Variants in WDR35 observed in about 807,000 individuals in gnomAD.
The protein encoded by WDR35 is WD repeat domain 35.
In WDR35, 118 loss-of-function variants were observed where a neutral mutation model predicts 158.3. The ratio of observed to expected loss-of-function variants is 0.75; its 90% confidence interval spans 0.64 to 0.87. The LOEUF (loss-of-function observed/expected upper bound fraction) is 0.87. Ranked by LOEUF, WDR35 falls within the 40% of genes least tolerant of loss-of-function variation. The pLI is 0.00. For synonymous variants in WDR35, 448 were observed against 476.1 expected (o/e 0.94, Z 0.77); for missense variants, 1,263 against 1,405.8 (o/e 0.90, Z 1.62).
At chr2:19,984,872 GACTGTTTTGCA>G (rs1444396628) in intron 2 of WDR35, among the ~76,000 whole-genome samples, 1 of 152,136 alleles carries the variant, frequency 6.6e-6, no homozygotes, top group Non-Finnish European at 1.5e-5. Flanking sequence ...ATATACAGAA[GACTGTTTTGCA>G]ACACATAAGG....
intron 16 of WDR35, among the ~76,000 whole-genome samples, chr2:19,944,127 C>A (rs965311842): frequency 6.6e-6 from 1 of 151,902 alleles, no homozygotes; most frequent in African/African-American, 2.4e-5. Flanking sequence ...AGCAGAGTAG[C>A]TAAACCAGCT....
intron 2 of WDR35, 106 bp from the exon 3 acceptor site, chr2:19,982,640 T>A: frequency 8.9e-7 from 1 of 1,124,954 alleles, no homozygotes; most frequent in Non-Finnish European, 1.3e-6. Context: ...TTTTTCTAAG[T>A]ATGCCCCATT....
chr2:19,927,886 T>C (rs1391558217), intron 25 of WDR35, among the ~76,000 whole-genome samples: 2 of 152,198 alleles, frequency 1.3e-5, no homozygotes, highest in East Asian at 1.9e-4. Context: ...TTAATCTGTG[T>C]TGTTTGTCTT....
chr2:19,924,841 A>T (rs1484992154), intron 25 of WDR35, among the ~76,000 whole-genome samples: 1 of 152,240 alleles, frequency 6.6e-6, no homozygotes, highest in Non-Finnish European at 1.5e-5. Flanking sequence ...CTAAAAAAGA[A>T]TGTAGAAAAA....
intron 13 of WDR35, among the ~76,000 whole-genome samples, chr2:19,948,739 A>G (rs533785134): frequency 6.6e-6 from 1 of 152,288 alleles, no homozygotes; most frequent in Admixed American, 6.5e-5. Context: ...CAAAGTAACA[A>G]AACTATAGAG....
chr2:19,962,566 T>C (rs1671696661), intron 10 of WDR35, among the ~76,000 whole-genome samples: 1 of 152,220 alleles, frequency 6.6e-6, no homozygotes, highest in Non-Finnish European at 1.5e-5. Flanking sequence ...TCTACTTAGA[T>C]GTTTTTCCTG....
At chr2:19,952,961 T>C (rs1420197033) in intron 12 of WDR35, among the ~76,000 whole-genome samples, 1 of 151,844 alleles carries the variant, frequency 6.6e-6, no homozygotes, top group Non-Finnish European at 1.5e-5. Context: ...AGCACATGAG[T>C]GAGTCTTAAA....
chr2:19,946,124 G>C lies in WDR35; in HGVS notation c.1635-128C>G, dbSNP rs980811648. On this transcript the variant is annotated intron_variant, in intron 15 of 26. Coordinates refer to ENST00000281405, the MANE Select transcript of WDR35 (RefSeq NM_020779.4). ...AGAAACCTGGAATACAGTAGAAATG[G>C]CTTAAAATTTTGTTAAATAAATTTG... 1.1e-4 allele frequency: 111 copies of C among 1,031,748 alleles called. 1 individual carries two copies. In the South Asian group the frequency reaches 1.7e-3, roughly 16 times the overall value. 63.9% of individuals were successfully genotyped at this position (1,031,748 alleles called of 1,614,324 possible).
intron 6 of WDR35, 89 bp downstream of exon 6, chr2:19,975,441 T>TA: frequency 7.3e-7 from 1 of 1,363,596 alleles, no homozygotes; most frequent in Non-Finnish European, 9.8e-7. Flanking sequence ...CAAACCGCCA[T>TA]AAAAAATAAA....
intron 11 of WDR35, among the ~76,000 whole-genome samples, chr2:19,957,599 C>CTGGAGAGCTGTGGCA (rs1241691913): frequency 6.6e-6 from 1 of 151,358 alleles, no homozygotes; most frequent in Non-Finnish European, 1.5e-5. Context: ...GTCACCCAGG[C>CTGGAGAGCTGTGGCA]TGGAGAGCTG....
chr2:19,924,360 C>A (rs1266656132), intron 25 of WDR35, among the ~76,000 whole-genome samples: 2 of 151,838 alleles, frequency 1.3e-5, no homozygotes, highest in Non-Finnish European at 2.9e-5. Flanking sequence ...GTCAGGAGAT[C>A]GAGACCATCC....
At chr2:19,942,383 C>T (rs1463534999) in intron 16 of WDR35, among the ~76,000 whole-genome samples, 1 of 152,096 alleles carries the variant, frequency 6.6e-6, no homozygotes, top group East Asian at 1.9e-4. Context: ...CCTGATATAT[C>T]TCCTACTCTT....
intron 9 of WDR35, among the ~76,000 whole-genome samples, 200 bp downstream of exon 9, chr2:19,969,280 G>C (rs2103448188): frequency 6.6e-6 from 1 of 152,262 alleles, no homozygotes; most frequent in Middle Eastern, 3.4e-3. Context: ...TGTACCATCT[G>C]TTTCTGGCTA....
At chr2:19,918,336 AACAG>A (rs1372755045) in intron 25 of WDR35, among the ~76,000 whole-genome samples, 1 of 152,240 alleles carries the variant, frequency 6.6e-6, no homozygotes, top group African/African-American at 2.4e-5. Context: ...TGCATCAGCT[AACAG>A]ACAGAATAAC....
In WDR35 at chr2:19,974,509, T is replaced by G. The variant is rs2103455294; in HGVS notation, c.695A>C (p.Asp232Ala). 1.2e-6 allele frequency: 2 copies of G among 1,612,044 alleles called. No individual in the cohort carries two copies. Among genetic ancestry groups the G allele is most frequent in the East Asian group, 4.5e-5 (2 of 44,788 alleles). ...PDCPCLAVCFDNGRCQIMRHE... is the reference protein window; with the variant it reads ...PDCPCLAVCFANGRCQIMRHE... ...TCTCATTATTTGGCATCTTCCATTA[T>G]CAAAGCAAACAGCAAGGCAAGGGCA... Residue 232 changes from aspartate (D) to alanine (A), a missense_variant, in exon 7 of 27, where the codon GAT becomes GCT. By Grantham distance (126) the Asp-to-Ala change is moderately radical. Coordinates refer to ENST00000281405, the MANE Select transcript of WDR35 (RefSeq NM_020779.4).
chr2:19,980,390 G>A (rs1188219212), intron 4 of WDR35, among the ~76,000 whole-genome samples: 2 of 151,608 alleles, frequency 1.3e-5, no homozygotes. Context: ...AATTCTTATT[G>A]GAAATCTGGA....
rs1317128944 is a variant in WDR35, at chr2:19,934,862, C to T, written c.2547+609G>A. ...AATAGGCAAAATTTTTGAAGCAGAACTCACAACTGATATACATCCAGACTC... is the reference window on the plus strand; with the variant it reads ...AATAGGCAAAATTTTTGAAGCAGAATTCACAACTGATATACATCCAGACTC... On this transcript the variant is annotated intron_variant, in intron 21 of 26. Transcript: ENST00000281405. The surrounding 1 kb of genome is among the most constrained non-coding windows in gnomAD (Gnocchi z 4.6). Among the ~76,000 whole-genome samples the T allele has an allele frequency of 6.6e-6, 1 of 152,184 alleles. No individual in the cohort carries two copies. The highest frequency in any genetic ancestry group is 6.5e-5 in the Admixed American group (1 of 15,270).
chr2:19,978,225 G>A (rs1672271687), intron 5 of WDR35, among the ~76,000 whole-genome samples: 1 of 151,776 alleles, frequency 6.6e-6, no homozygotes, highest in East Asian at 1.9e-4. Flanking sequence ...CACACAGAGC[G>A]AGCGAGAGAG....
At chr2:19,925,111 T>G (rs1310969031) in intron 25 of WDR35, among the ~76,000 whole-genome samples, 2 of 152,238 alleles carry the variant, frequency 1.3e-5, no homozygotes, top group African/African-American at 4.8e-5. Flanking sequence ...AGATTTATGC[T>G]GCACAAAACT....
Sources: allele counts gnomAD v4.1 joint callset (sites outside exome capture counted in the v4.1 genomes callset), GRCh38; gene constraint gnomAD v4.1.1; non-coding constraint Gnocchi (gnomAD v3.1); transcripts MANE v1.5; gene names NCBI Gene and HGNC (gene_info 2026-07-23, HGNC 2026-07-21).